A2ML1: variants seen among roughly 807,000 people sequenced by gnomAD.
The protein encoded by A2ML1 is alpha-2-macroglobulin-like protein 1.
In A2ML1, 161 loss-of-function variants were observed where a neutral mutation model predicts 181.9. That is an observed-to-expected ratio of 0.89 (90% CI 0.78 to 1.01). The LOEUF is 1.01. Ranked by LOEUF, A2ML1 falls within the 50% of genes least tolerant of loss-of-function variation. The pLI is 0.00. For synonymous variants in A2ML1, 663 were observed against 666.8 expected (o/e 0.99, Z 0.09); for missense variants, 1,670 against 1,768.1 (o/e 0.94, Z 1.00).
Position 8,854,629 on chromosome 12 carries a change from GAGTTCTTCTGAGCTTC to G in A2ML1, c.2713-147_2713-132del, listed in dbSNP as rs6144605. 0.48 allele frequency: 436,170 copies of G among 916,992 alleles called. 103,029 individuals carry two copies. The highest frequency in any genetic ancestry group is 0.77 in the East Asian group (29,917 of 38,740). 56.8% of individuals were successfully genotyped at this position (916,992 alleles called of 1,614,324 possible). ...AAGGGCCCATCCTTGGGTTGACGCA[GAGTTCTTCTGAGCTTC>G]AGTGAGAAGCTCTTGTCTGCAGTTC... is the stretch of plus-strand genomic sequence containing the variant. On this transcript the variant is annotated intron_variant, in intron 21 of 35. Coordinates refer to ENST00000299698, the MANE Select transcript of A2ML1 (RefSeq NM_144670.6).
chr12:8,881,517 G>C (rs756444778), downstream of A2ML1, among the ~76,000 whole-genome samples: 1 of 152,232 alleles, frequency 6.6e-6, no homozygotes, highest in Non-Finnish European at 1.5e-5. Flanking sequence ...GAGAGGGGGA[G>C]AGAGACACTT....
chr12:8,837,376 G>C, intron 7 of A2ML1, 64 bp from the exon 8 acceptor site: 1 of 1,589,800 alleles, frequency 6.3e-7, no homozygotes, highest in Non-Finnish European at 8.6e-7. Flanking sequence ...AGTGGTGTTT[G>C]AGGGAAGAGT....
intron 18 of A2ML1, among the ~76,000 whole-genome samples, chr12:8,851,212 C>G (rs1943876216): frequency 6.6e-6 from 1 of 152,068 alleles, no homozygotes; most frequent in Non-Finnish European, 1.5e-5. Flanking sequence ...GCCCTGAGAC[C>G]ACACATCCTC....
Position 8,851,806 on chromosome 12 carries a change from C to T in A2ML1, c.2257C>T (p.His753Tyr). ...CAGTAACTCGGGGAAGGAGGCGGTC[C>T]ACGTCACAGTTCCTGACGCCATCAC... ...PIGNSGKEAV[H>Y]VTVPDAITEW... Residue 753 changes from histidine to tyrosine, a missense_variant, in exon 19 of 36, where the codon CAC becomes TAC. His to Tyr is a moderately conservative substitution (Grantham distance 83). Transcript: ENST00000299698. 6.2e-7 allele frequency: 1 copy of T among 1,614,140 alleles called. No individual in the cohort carries two copies. Among genetic ancestry groups the T allele is most frequent in the African/African-American group, 1.3e-5 (1 of 75,030 alleles).
At chr12:8,868,442 G>A in intron 31 of A2ML1, 85 bp downstream of exon 31, 1 of 1,552,128 alleles carries the variant, frequency 6.4e-7, no homozygotes, top group South Asian at 1.2e-5. Flanking sequence ...GTGTGTCTGT[G>A]TATGTGTGTG....
chr12:8,843,773 C>T (rs1404962288), intron 12 of A2ML1, among the ~76,000 whole-genome samples: 1 of 146,796 alleles, frequency 6.8e-6, no homozygotes, highest in Non-Finnish European at 1.5e-5. Flanking sequence ...GGCTGGAGTG[C>T]AGTGGTGTGT....
At chr12:8,837,319 CA>C in intron 7 of A2ML1, 120 bp from the exon 8 acceptor site, 1 of 1,389,398 alleles carries the variant, frequency 7.2e-7, no homozygotes, top group African/African-American at 1.4e-5. Context: ...TGCACTGGCC[CA>C]GATTGTCAGA....
At chr12:8,857,434 C>CACTGCAACCTCTGCCTCCCAGGATCAAG in intron 24 of A2ML1, 73 bp from the exon 25 acceptor site, 1 of 1,606,398 alleles carries the variant, frequency 6.2e-7, no homozygotes, top group African/African-American at 1.3e-5. Context: ...CTCAAGTGTC[C>CACTGCAACCTCTGCCTCCCAGGATCAAG]CATATCCTTG....
chr12:8,826,175 AT>A (rs1942922953), intron 3 of A2ML1, among the ~76,000 whole-genome samples: 1 of 152,278 alleles, frequency 6.6e-6, no homozygotes, highest in East Asian at 1.9e-4. Flanking sequence ...TCTGATAGGG[AT>A]TGCAATGAAC....
chr12:8,829,389 G>A (rs1369694425), intron 3 of A2ML1, among the ~76,000 whole-genome samples: 3 of 152,182 alleles, frequency 2.0e-5, no homozygotes, highest in Admixed American at 6.5e-5. Flanking sequence ...GAGGCGGAGC[G>A]CGGTGGCTCA....
chr12:8,857,379 C>G (rs763542805), intron 24 of A2ML1, 39 bp downstream of exon 24: 4 of 1,604,240 alleles, frequency 2.5e-6, no homozygotes, highest in Non-Finnish European at 3.4e-6. Context: ...ACACTCTCCT[C>G]CACTAGGCCC....
intron 34 of A2ML1, 87 bp from the exon 35 acceptor site, chr12:8,874,884 G>C (rs1490537297): frequency 4.7e-6 from 6 of 1,273,932 alleles, no homozygotes; most frequent in African/African-American, 3.0e-5. Context: ...TCTCTGGAAG[G>C]GGCTCAAGCA....
intron 14 of A2ML1, 39 bp from the exon 15 acceptor site, chr12:8,847,510 G>C (rs762895250): frequency 1.3e-6 from 2 of 1,568,240 alleles, no homozygotes; most frequent in South Asian, 2.4e-5. Flanking sequence ...TCCTTTCCAG[G>C]CTGACCTGAT....
In A2ML1 at chr12:8,823,878, GC is replaced by G. The variant is rs1942833639; in HGVS notation, c.406del (p.Gln136LysfsTer16). 3 of 1,609,376 alleles carry G rather than the reference GC, an allele frequency of 1.9e-6. No homozygotes were observed. The highest frequency in any genetic ancestry group is 1.3e-5 in the African/African-American group (1 of 74,834). On this transcript the variant is annotated frameshift_variant, in exon 3 of 36. Transcript: ENST00000299698. LOFTEE classifies it high-confidence loss of function. ...ACAAACCTCTCTACACCCCAGGGCAGCAAGGTAAGAGTCACATATTTGGGGT... is the reference window on the plus strand; with the variant it reads ...ACAAACCTCTCTACACCCCAGGGCAGAAGGTAAGAGTCACATATTTGGGGT... ...TDKPLYTPGQQVYFRIVTMDS... is the reference protein window; with the variant it reads ...TDKPLYTPGQXVYFRIVTMDS...
chr12:8,864,026 C>A lies in A2ML1; in HGVS notation c.3717+18C>A. On this transcript the variant is annotated intron_variant, in intron 29 of 35. Coordinates refer to ENST00000299698, the MANE Select transcript of A2ML1 (RefSeq NM_144670.6). The stretch of plus-strand genomic sequence containing the variant: ...CTACTCAGGTAAACAGCCTGTTCTC[C>A]CACTGCCACTTATCAGGTAGAATTA... 1 of 1,599,834 alleles carries A rather than the reference C, an allele frequency of 6.3e-7. No homozygotes were observed. Among genetic ancestry groups the A allele is most frequent in the Non-Finnish European group, 8.5e-7 (1 of 1,169,626 alleles).
intron 17 of A2ML1, 58 bp downstream of exon 17, chr12:8,849,817 C>T (rs1943827338): frequency 6.6e-7 from 1 of 1,512,906 alleles, no homozygotes; most frequent in Non-Finnish European, 9.2e-7. Flanking sequence ...TGGAACTCTG[C>T]AGATTTCCTC....
At chr12:8,845,163 C>G in intron 12 of A2ML1, 1 of 1,500,386 alleles carries the variant, frequency 6.7e-7, no homozygotes, top group Non-Finnish European at 8.8e-7. Flanking sequence ...AAATGGCAGA[C>G]AGTTATCTAT....
intron 5 of A2ML1, 95 bp from the exon 6 acceptor site, chr12:8,835,412 G>T (rs1943239535): frequency 3.3e-6 from 5 of 1,527,904 alleles, no homozygotes; most frequent in Non-Finnish European, 3.6e-6. Flanking sequence ...AATGGGTGGG[G>T]TTTTTTACCT....
Position 8,837,496 on chromosome 12 carries a change from C to T in A2ML1, c.785C>T (p.Ala262Val). ...GAVQVSVCQK[A>V]NTYWYREVER... The stretch of plus-strand genomic sequence containing the variant: ...GTGCAGGTATCTGTGTGTCAGAAGG[C>T]AAATACTTACTGGTATCGAGAGGTG... The change falls in exon 8 of 36, where the codon GCA becomes GTA. Residue 262 changes from alanine (A) to valine (V), a missense_variant. Coordinates refer to ENST00000299698, the MANE Select transcript of A2ML1 (RefSeq NM_144670.6). The T allele has an allele frequency of 1.2e-6, 2 of 1,614,032 alleles. No individual in the cohort carries two copies. Among genetic ancestry groups the T allele is most frequent in the Non-Finnish European group, 1.7e-6 (2 of 1,179,938 alleles).
Sources: allele counts gnomAD v4.1 joint callset (sites outside exome capture counted in the v4.1 genomes callset), GRCh38; gene constraint gnomAD v4.1.1; transcripts MANE v1.5; gene names NCBI Gene and HGNC (gene_info 2026-07-23, HGNC 2026-07-21).